NCAM1: variants seen among roughly 807,000 people sequenced by gnomAD.
The protein encoded by NCAM1 is antigen recognized by monoclonal antibody 5.1H11.
NCAM1 carries 14 observed loss-of-function variants against 109.8 expected under a neutral mutation model. That is an observed-to-expected ratio of 0.13 (90% confidence interval 0.08 to 0.20). The LOEUF (loss-of-function observed/expected upper bound fraction) is 0.20. Ranked by LOEUF, NCAM1 falls within the 10% of genes least tolerant of loss-of-function variation. The pLI is 1.00. For missense variants in NCAM1, 774 were observed against 1,109.9 expected, an observed-to-expected ratio of 0.70 and a Z score of 4.30; for synonymous variants, 418 against 442.9, an observed-to-expected ratio of 0.94 and a Z score of 0.70.
chr11:113,164,832 A>G (rs547871261), intron 1 of NCAM1, among the ~76,000 whole-genome samples: 1 of 152,060 alleles, frequency 6.6e-6, no homozygotes, highest in South Asian at 2.1e-4. Flanking sequence ...TCAATCTCCA[A>G]TCCTTCCACC....
chr11:113,194,486 A>T (rs1007150791), intron 1 of NCAM1, among the ~76,000 whole-genome samples: 1 of 152,106 alleles, frequency 6.6e-6, no homozygotes, highest in African/African-American at 2.4e-5. Flanking sequence ...ATGAAAAATG[A>T]TAGATTTTGG....
chr11:113,068,664 T>C (rs1052050859), intron 1 of NCAM1, among the ~76,000 whole-genome samples: 19 of 152,200 alleles, frequency 1.2e-4, no homozygotes, highest in African/African-American at 4.3e-4. Context: ...AGATCTTCAG[T>C]CTTACAGAAC....
chr11:113,129,121 G>A (rs1941296658), intron 1 of NCAM1, among the ~76,000 whole-genome samples: 1 of 152,084 alleles, frequency 6.6e-6, no homozygotes, highest in African/African-American at 2.4e-5. Flanking sequence ...TGAAGTCTGG[G>A]AAGAGCCACC....
At chr11:113,237,330 C>T (rs545475519) in intron 14 of NCAM1, among the ~76,000 whole-genome samples, 3 of 152,314 alleles carry the variant, frequency 2.0e-5, no homozygotes, top group East Asian at 3.9e-4. Context: ...CTCCCAGCTC[C>T]TGAAAGGTAC....
At chr11:113,132,528 C>T (rs531536577) in intron 1 of NCAM1, among the ~76,000 whole-genome samples, 199 of 152,066 alleles carry the variant, frequency 1.3e-3, no homozygotes, top group Middle Eastern at 3.4e-3. Flanking sequence ...GTCAACACAA[C>T]TCCCAGCTCC....
chr11:112,969,272 A>G (rs1200891835), intron 1 of NCAM1, among the ~76,000 whole-genome samples: 1 of 152,164 alleles, frequency 6.6e-6, no homozygotes, highest in Non-Finnish European at 1.5e-5. Context: ...AAAATTCTGC[A>G]AGTCCAGATT....
Position 113,276,811 on chromosome 11 carries a change from T to C in NCAM1, c.*1424T>C, listed in dbSNP as rs1446720612. The C allele has an allele frequency of 4.6e-5, 4 of 86,718 alleles. No individual in the cohort carries two copies. The highest frequency in any genetic ancestry group is 1.9e-4 in the African/African-American group (4 of 21,508). The allele number at this position is 86,718 out of a possible 1,614,324, so 5.4% of individuals were successfully genotyped here. ...ATTGGAAACCAAGTGGGGGAAAAAA[T>C]ACAGAAACTTTAAGGGGGATGGGAG... On this transcript the variant is annotated 3_prime_UTR_variant, in exon 20 of 20. Coordinates refer to ENST00000316851, the MANE Select transcript of NCAM1 (RefSeq NM_181351.5).
At chr11:113,039,986 C>G (rs74753484) in intron 1 of NCAM1, among the ~76,000 whole-genome samples, 1 of 151,966 alleles carries the variant, frequency 6.6e-6, no homozygotes, top group Non-Finnish European at 1.5e-5. Flanking sequence ...ACTAAAAATA[C>G]AAAACTTATC....
intron 14 of NCAM1, among the ~76,000 whole-genome samples, chr11:113,238,347 A>C (rs1160621831): frequency 6.6e-6 from 1 of 152,230 alleles, no homozygotes; most frequent in East Asian, 1.9e-4. Flanking sequence ...TTTTGCAAGA[A>C]TTTTAGCAGG....
chr11:113,216,109 T>C (rs1591426809), intron 8 of NCAM1, among the ~76,000 whole-genome samples: 1 of 152,014 alleles, frequency 6.6e-6, no homozygotes, highest in Non-Finnish European at 1.5e-5. Context: ...TGAGGTTCTT[T>C]AATAGGTTGG....
chr11:113,078,156 G>C (rs1938615942), intron 1 of NCAM1, among the ~76,000 whole-genome samples: 1 of 152,140 alleles, frequency 6.6e-6, no homozygotes, highest in South Asian at 2.1e-4. Context: ...CCCTCTGAAG[G>C]CTCTAGGGGA....
intron 7 of NCAM1, among the ~76,000 whole-genome samples, chr11:113,208,436 AG>A (rs1236216396): frequency 2.0e-5 from 3 of 151,924 alleles, no homozygotes; most frequent in Admixed American, 2.0e-4. Flanking sequence ...CCAACCACAC[AG>A]GCCTTCTTCA....
rs532325939 is a variant in NCAM1, at chr11:113,218,016, T to A, written c.1060-3280T>A. Among the ~76,000 whole-genome samples the A allele has an allele frequency of 6.0e-4, 91 of 152,320 alleles. No homozygotes were observed. In the South Asian group the frequency reaches 0.011, roughly 19 times the overall value. ...AGTCAGGACTGACTTTCATTAGAAA[T>A]TCACCTTAGAAGTCTATGTGTCCAG... is the stretch of plus-strand genomic sequence containing the variant. On this transcript the variant is annotated intron_variant, in intron 8 of 19. Coordinates refer to ENST00000316851, the MANE Select transcript of NCAM1 (RefSeq NM_181351.5).
intron 17 of NCAM1, chr11:113,263,296 A>G: frequency 9.8e-7 from 1 of 1,019,216 alleles, no homozygotes; most frequent in Non-Finnish European, 1.2e-6. Flanking sequence ...AAGAATTCTA[A>G]GTACCTTCTA....
intron 14 of NCAM1, among the ~76,000 whole-genome samples, chr11:113,244,450 T>G (rs1945436316): frequency 6.6e-6 from 1 of 152,228 alleles, no homozygotes; most frequent in Non-Finnish European, 1.5e-5. Flanking sequence ...CAGTGGATAC[T>G]GAGATAAAGG....
chr11:113,010,669 A>G (rs927120021), intron 1 of NCAM1, among the ~76,000 whole-genome samples: 8 of 152,338 alleles, frequency 5.3e-5, no homozygotes, highest in African/African-American at 1.9e-4. Context: ...CTCAACAGGA[A>G]AAGTCAGTTG....
chr11:113,230,037 C>G (rs1170711698), intron 9 of NCAM1, among the ~76,000 whole-genome samples: 1 of 151,202 alleles, frequency 6.6e-6, no homozygotes, highest in Non-Finnish European at 1.5e-5. Context: ...ACGTATGTAA[C>G]AAACCTGCAC....
intron 1 of NCAM1, among the ~76,000 whole-genome samples, chr11:113,053,300 GT>G (rs1302394901): frequency 6.6e-6 from 1 of 152,030 alleles, no homozygotes; most frequent in East Asian, 1.9e-4. Context: ...TCTTTATCCA[GT>G]TTATCACTGA....
intron 9 of NCAM1, among the ~76,000 whole-genome samples, chr11:113,226,186 C>G (rs1555116189): frequency 2.0e-5 from 3 of 152,296 alleles, no homozygotes; most frequent in South Asian, 2.1e-4. Flanking sequence ...TTCAGGAAAC[C>G]CTTCTCACGT....
Sources: allele counts gnomAD v4.1 joint callset (sites outside exome capture counted in the v4.1 genomes callset), GRCh38; gene constraint gnomAD v4.1.1; transcripts MANE v1.5; gene names NCBI Gene and HGNC (gene_info 2026-07-23, HGNC 2026-07-21).